ROBO1: variants seen among roughly 807,000 people sequenced by gnomAD.
ROBO1 encodes the protein roundabout homolog 1.
A neutral mutation model predicts 195.9 loss-of-function variants in ROBO1; 149 were observed. That is an observed-to-expected ratio of 0.76 (90% confidence interval 0.67 to 0.87). ROBO1 has a LOEUF of 0.87. Among genes scored for constraint, ROBO1 ranks in the 40% least tolerant of loss-of-function variants. The pLI is 0.00. For missense variants in ROBO1, 1,933 were observed against 2,068.3 expected (o/e 0.93, Z 1.27); for synonymous variants, 816 against 733.2 (o/e 1.11, Z -1.82).
intron 3 of ROBO1, among the ~76,000 whole-genome samples, chr3:78,954,268 T>G (rs1389370936): frequency 6.6e-6 from 1 of 152,024 alleles, no homozygotes; most frequent in Non-Finnish European, 1.5e-5. Flanking sequence ...GTGGAAAACA[T>G]TGCAAATATA....
chr3:78,801,173 A>T (rs185937620), intron 4 of ROBO1, among the ~76,000 whole-genome samples: 2 of 152,200 alleles, frequency 1.3e-5, no homozygotes, highest in East Asian at 3.9e-4. Flanking sequence ...AAAGTTAAGA[A>T]TTTTCCAGTC....
chr3:78,962,009 A>G (rs2041376975), intron 3 of ROBO1, among the ~76,000 whole-genome samples: 1 of 151,890 alleles, frequency 6.6e-6, no homozygotes, highest in Non-Finnish European at 1.5e-5. Flanking sequence ...TGAGGTTAAT[A>G]TAGCATGTTA....
intron 3 of ROBO1, among the ~76,000 whole-genome samples, chr3:78,963,494 GTTTTTTTTTTTTT>G (rs750158094): frequency 0.076 from 5,511 of 72,446 alleles, 201 homozygotes; most frequent in Non-Finnish European, 0.099. Context: ...AAAACCTTCA[GTTTTTTTTTTTTT>G]TTTTTTTTTT....
Position 78,935,933 on chromosome 3 carries a change from CTT to C in ROBO1, c.499+2666_499+2667del, listed in dbSNP as rs1163026361. Among the ~76,000 whole-genome samples, 5 of 152,086 alleles carry C rather than the reference CTT, an allele frequency of 3.3e-5. No individual in the cohort carries two copies. In the East Asian group the frequency reaches 9.7e-4, roughly 29 times the overall value. ...TTGACTTTATAATTGTGTGAGATAA[CTT>C]TAACTGCATCAATACTGTTTTTGAG... On this transcript the variant is annotated intron_variant, in intron 4 of 30. Coordinates refer to ENST00000464233, the MANE Select transcript of ROBO1 (RefSeq NM_002941.4).
chr3:78,620,058 T>C (rs1704364250), intron 26 of ROBO1, among the ~76,000 whole-genome samples: 1 of 150,360 alleles, frequency 6.7e-6, no homozygotes, highest in Middle Eastern at 3.2e-3. Context: ...ATTAAATTCA[T>C]AGAACTAGAT....
At chr3:79,705,758 C>G (rs948380845) in intron 1 of ROBO1, among the ~76,000 whole-genome samples, 1 of 152,022 alleles carries the variant, frequency 6.6e-6, no homozygotes, top group African/African-American at 2.4e-5. Flanking sequence ...ATCTATAGAA[C>G]AAGTTGGGGA....
At chr3:79,528,913 A>T (rs1314056818) in intron 2 of ROBO1, among the ~76,000 whole-genome samples, 3 of 152,212 alleles carry the variant, frequency 2.0e-5, no homozygotes, top group Admixed American at 2.0e-4. Context: ...ACAATATATG[A>T]TAAGCCTTCT....
chr3:78,990,305 A>C (rs2108051729), intron 3 of ROBO1, among the ~76,000 whole-genome samples: 1 of 152,298 alleles, frequency 6.6e-6, no homozygotes, highest in East Asian at 1.9e-4. Context: ...TTAAATTACA[A>C]ATTTCCTCCA....
At chr3:78,659,589 G>A (rs1215509287) in intron 17 of ROBO1, 97 bp downstream of exon 17, 21 of 933,678 alleles carry the variant, frequency 2.2e-5, no homozygotes, top group Admixed American at 3.9e-5. Context: ...AGCAGATGGC[G>A]CCAAATATCC....
At chr3:78,981,830 C>A (rs948104334) in intron 3 of ROBO1, among the ~76,000 whole-genome samples, 136 of 149,398 alleles carry the variant, frequency 9.1e-4, no homozygotes, top group African/African-American at 3.2e-3. Context: ...CACACAAAAA[C>A]ACACCCACAG....
intron 3 of ROBO1, among the ~76,000 whole-genome samples, chr3:79,084,018 T>G (rs2079322344): frequency 6.6e-6 from 1 of 152,228 alleles, no homozygotes; most frequent in Admixed American, 6.5e-5. Flanking sequence ...TTAATTTTAT[T>G]GTACTGCCTG....
chr3:79,033,861 G>A (rs896894454), intron 3 of ROBO1, among the ~76,000 whole-genome samples: 6 of 151,934 alleles, frequency 3.9e-5, no homozygotes, highest in Admixed American at 1.3e-4. Flanking sequence ...TGTAAAACTC[G>A]AGCCATGGTT....
chr3:79,058,866 A>C (rs2078861957), intron 3 of ROBO1, among the ~76,000 whole-genome samples: 1 of 152,100 alleles, frequency 6.6e-6, no homozygotes, highest in Non-Finnish European at 1.5e-5. Flanking sequence ...ATTTGTTTTC[A>C]CTTTAATCGC....
intron 2 of ROBO1, among the ~76,000 whole-genome samples, chr3:79,483,672 G>A (rs1249503191): frequency 6.6e-6 from 1 of 152,098 alleles, no homozygotes; most frequent in Non-Finnish European, 1.5e-5. Flanking sequence ...TATTTGTGTA[G>A]GTAAACATAG....
At chr3:79,026,360 C>A (rs986948174) in intron 3 of ROBO1, among the ~76,000 whole-genome samples, 5 of 151,984 alleles carry the variant, frequency 3.3e-5, no homozygotes, top group Admixed American at 3.3e-4. Flanking sequence ...ATAATTTTTA[C>A]AGATTCAGTT....
In ROBO1 at chr3:79,674,887, C is replaced by T. The variant is rs920813978; in HGVS notation, c.-50-84926G>A. 9.3e-5 allele frequency among the ~76,000 whole-genome samples: 14 copies of T among 149,752 alleles called. 1 individual carries two copies. The highest frequency in any genetic ancestry group is 1.3e-4 in the Non-Finnish European group (9 of 67,312). Reference sequence around the variant, plus strand: ...GTGTGTATTTACAGAAATAAAGAAACATTACTCAACCAAAGTAATTTTTAG... The same window carrying T: ...GTGTGTATTTACAGAAATAAAGAAATATTACTCAACCAAAGTAATTTTTAG... On this transcript the variant is annotated intron_variant, in intron 1 of 30. Coordinates refer to ENST00000464233, the MANE Select transcript of ROBO1 (RefSeq NM_002941.4).
intron 2 of ROBO1, among the ~76,000 whole-genome samples, chr3:79,301,118 TC>T (rs931542759): frequency 1.3e-5 from 2 of 152,112 alleles, no homozygotes; most frequent in Admixed American, 6.5e-5. Context: ...TTGCTACTGC[TC>T]ACTCTTTGGG....
At chr3:79,257,364 GA>G (rs1260828967) in intron 2 of ROBO1, among the ~76,000 whole-genome samples, 1 of 152,110 alleles carries the variant, frequency 6.6e-6, no homozygotes, top group Non-Finnish European at 1.5e-5. Flanking sequence ...AGTGGAACTC[GA>G]AAGTACAAAC....
intron 4 of ROBO1, among the ~76,000 whole-genome samples, chr3:78,934,006 T>G (rs1333501128): frequency 2.6e-5 from 4 of 151,994 alleles, no homozygotes; most frequent in African/African-American, 9.7e-5. Context: ...TTATTTAAAT[T>G]TAAGTATCTT....
Sources: allele counts gnomAD v4.1 joint callset (sites outside exome capture counted in the v4.1 genomes callset), GRCh38; gene constraint gnomAD v4.1.1; transcripts MANE v1.5; gene names NCBI Gene and HGNC (gene_info 2026-07-23, HGNC 2026-07-21).